PKD1L1: variants seen among roughly 807,000 people sequenced by gnomAD.
PKD1L1 encodes the protein polycystin 1 like 1, transient receptor potential channel interacting, also known as polycystin-1-like protein 1.
PKD1L1 carries 236 observed loss-of-function variants against 323.4 expected under a neutral mutation model. The ratio of observed to expected loss-of-function variants is 0.73; its 90% confidence interval spans 0.66 to 0.81. PKD1L1 has a LOEUF of 0.81. PKD1L1 is among the 40% of genes least tolerant of loss of function. The pLI, the probability that PKD1L1 is intolerant of heterozygous loss-of-function variation, is 0.00. For synonymous variants in PKD1L1, 1,344 were observed against 1,335.0 expected, an observed-to-expected ratio of 1.01 and a Z score of -0.15; for missense variants, 3,320 against 3,508.0, an observed-to-expected ratio of 0.95 and a Z score of 1.35.
intron 13 of PKD1L1, among the ~76,000 whole-genome samples, chr7:47,901,491 T>C (rs1787088649): frequency 6.6e-6 from 1 of 151,738 alleles, no homozygotes; most frequent in Non-Finnish European, 1.5e-5. Context: ...GGAGCCAGAG[T>C]CCTCCTGCCT....
In PKD1L1 at chr7:47,812,060, C is replaced by T; in HGVS notation, c.7347-9G>A. 6.4e-7 allele frequency: 1 copy of T among 1,553,590 alleles called. No individual in the cohort carries two copies. The highest frequency in any genetic ancestry group is 8.7e-7 in the Non-Finnish European group (1 of 1,147,814). On this transcript the variant is annotated splice_polypyrimidine_tract_variant and intron_variant, in intron 49 of 56. Coordinates refer to ENST00000289672, the MANE Select transcript of PKD1L1 (RefSeq NM_138295.5). Reference sequence around the variant, plus strand: ...CTGTGTGGGCTTCAGTCCTGTAAAACAGCACACACTGGGGTAGGGCAGGGC... The same window carrying T: ...CTGTGTGGGCTTCAGTCCTGTAAAATAGCACACACTGGGGTAGGGCAGGGC...
intron 1 of PKD1L1, among the ~76,000 whole-genome samples, chr7:47,945,428 G>A (rs1380705478): frequency 2.0e-5 from 3 of 152,186 alleles, no homozygotes; most frequent in Non-Finnish European, 4.4e-5. Context: ...ATTTATAGTT[G>A]AGGAAAGTGT....
At chr7:47,930,964 C>T (rs989677482) in intron 6 of PKD1L1, 140 bp downstream of exon 6, 1 of 909,100 alleles carries the variant, frequency 1.1e-6, no homozygotes, top group African/African-American at 1.7e-5. Flanking sequence ...AGCATTGTAA[C>T]TTGAAAGTCA....
intron 30 of PKD1L1, 43 bp downstream of exon 30, chr7:47,854,839 A>G: frequency 6.3e-7 from 1 of 1,591,138 alleles, no homozygotes; most frequent in Admixed American, 1.8e-5. Context: ...TAAGGACAAT[A>G]TGTCTTACTC....
At chr7:47,925,818 G>T (rs560096228) in intron 7 of PKD1L1, among the ~76,000 whole-genome samples, 6 of 152,172 alleles carry the variant, frequency 3.9e-5, no homozygotes, top group Non-Finnish European at 7.3e-5. Flanking sequence ...CCTACGAAAA[G>T]AGGAGACCCA....
At chr7:47,945,950 C>T (rs570306023) in intron 1 of PKD1L1, among the ~76,000 whole-genome samples, 4 of 152,314 alleles carry the variant, frequency 2.6e-5, no homozygotes, top group Admixed American at 2.6e-4. Context: ...GTGTCCTCCA[C>T]TCACAGAGGC....
chr7:47,907,546 G>T (rs1787231766), intron 9 of PKD1L1, among the ~76,000 whole-genome samples: 1 of 152,214 alleles, frequency 6.6e-6, no homozygotes, highest in South Asian at 2.1e-4. Flanking sequence ...GTTAGCAGTG[G>T]ATAAAGTGGA....
At chr7:47,883,298 C>A (rs1392824918) in intron 19 of PKD1L1, among the ~76,000 whole-genome samples, 1 of 152,206 alleles carries the variant, frequency 6.6e-6, no homozygotes, top group Non-Finnish European at 1.5e-5. Flanking sequence ...GCCCAGCCTG[C>A]AATGTGTCTT....
intron 56 of PKD1L1, among the ~76,000 whole-genome samples, chr7:47,779,460 C>A (rs534685315): frequency 6.6e-6 from 1 of 152,192 alleles, no homozygotes; most frequent in East Asian, 1.9e-4. Flanking sequence ...TGGGAGTAGG[C>A]CATAACTCAG....
intron 45 of PKD1L1, among the ~76,000 whole-genome samples, chr7:47,823,142 A>G (rs746201069): frequency 3.3e-4 from 51 of 152,260 alleles, no homozygotes; most frequent in Middle Eastern, 3.4e-3. Flanking sequence ...GCCTTGTTTG[A>G]TATCTTAAAA....
chr7:47,950,957 T>A (rs1000501690), upstream of PKD1L1, among the ~76,000 whole-genome samples: 1 of 151,930 alleles, frequency 6.6e-6, no homozygotes, highest in African/African-American at 2.4e-5. Context: ...CCACCTGGGG[T>A]TTGCCGAGCA....
At position 47,774,961 on chromosome 7, in the gene PKD1L1, C is replaced by G. The variant is rs1046777789; in HGVS notation, c.*182G>C. 7 of 673,850 alleles carry G rather than the reference C, an allele frequency of 1.0e-5. No homozygotes were observed. The African/African-American group carries it at 1.3e-4, about 12-fold the overall frequency. The allele number at this position is 673,850 out of a possible 1,614,324, so 41.7% of individuals were successfully genotyped here. A position where few individuals can be genotyped will look rare whatever the true frequency, so the allele number is the denominator to read the frequency against. ...GTGATTATGAGTAACAGTCTGATGACAGATAAACCTTGATTTTCATCCTGG... is the reference window on the plus strand; with the variant it reads ...GTGATTATGAGTAACAGTCTGATGAGAGATAAACCTTGATTTTCATCCTGG... On this transcript the variant is annotated 3_prime_UTR_variant, in exon 57 of 57. Transcript: ENST00000289672.
intron 53 of PKD1L1, 22 bp downstream of exon 53, chr7:47,803,188 T>A: frequency 1.2e-6 from 2 of 1,613,754 alleles, no homozygotes; most frequent in South Asian, 2.2e-5. Context: ...GGAAATCACC[T>A]GATAAAGGGG....
the PKD1L1 span, among the ~76,000 whole-genome samples, chr7:47,954,896 T>C: frequency 9.9e-5 from 15 of 152,198 alleles, no homozygotes; most frequent in African/African-American, 3.4e-4. Context: ...CCAAGCTACA[T>C]ATGCTGGTTA....
chr7:47,792,945 C>T, intron 55 of PKD1L1, 148 bp from the exon 56 acceptor site: 6 of 687,354 alleles, frequency 8.7e-6, no homozygotes, highest in Non-Finnish European at 1.4e-5. Context: ...GTTAGAAGAC[C>T]TGGGTGCTGG....
chr7:47,912,833 A>G (rs987665401), intron 8 of PKD1L1, among the ~76,000 whole-genome samples: 77 of 151,606 alleles, frequency 5.1e-4, no homozygotes, highest in African/African-American at 1.5e-3. Context: ...AAAAAAAAAA[A>G]AAAAAGAAAA....
chr7:47,803,329 G>A lies in PKD1L1; in HGVS notation c.7843C>T (p.Arg2615Trp), dbSNP rs1393483208. Reference sequence around the variant, plus strand: ...GTGAAGAGGAATAAGAGGATTCCCCGGAGCCATCGAGCCCTCTGAGACAGA... The same window carrying A: ...GTGAAGAGGAATAAGAGGATTCCCCAGAGCCATCGAGCCCTCTGAGACAGA... ...ASWNQRARWL[R>W]GILLFLFTLK... The change falls in exon 53 of 57, where the codon CGG becomes TGG. Residue 2615 changes from arginine to tryptophan, a missense_variant. Arg to Trp is a moderately radical substitution (Grantham distance 101). Transcript: ENST00000289672. 9.3e-6 allele frequency: 15 copies of A among 1,613,788 alleles called. No homozygotes were observed. The highest frequency in any genetic ancestry group is 2.2e-5 in the East Asian group (1 of 44,894).
At chr7:47,830,884 G>A (rs1785335203) in intron 42 of PKD1L1, among the ~76,000 whole-genome samples, 1 of 152,170 alleles carries the variant, frequency 6.6e-6, no homozygotes, top group African/African-American at 2.4e-5. Context: ...GTATATTCTA[G>A]CCAGAGTTCC....
Position 47,835,225 on chromosome 7 carries a change from G to C in PKD1L1, c.5962C>G (p.Pro1988Ala). The change falls in exon 38 of 57, where the codon CCC becomes GCC. Residue 1988 changes from proline to alanine, a missense_variant. Pro to Ala is a conservative substitution (Grantham distance 27). Transcript: ENST00000289672. ...CCCACCCTGAAGGATCCAAGGGTGG[G>C]GCTGACGTCCAAGTGGGGCTGCAAC... ...GQEQPHLDVS[P>A]TLGSFRVGLL... The C allele has an allele frequency of 1.9e-6, 3 of 1,589,704 alleles. No individual in the cohort carries two copies. Among genetic ancestry groups the C allele is most frequent in the Non-Finnish European group, 2.6e-6 (3 of 1,173,800 alleles).
Sources: gnomAD v4.1 joint callset for allele counts (sites outside exome capture counted in the v4.1 genomes callset) on GRCh38, gnomAD v4.1.1 for gene constraint, MANE v1.5 for transcripts, NCBI Gene and HGNC (gene_info 2026-07-23, HGNC 2026-07-21) for gene names.